OTOGL: variants seen among roughly 807,000 people sequenced by gnomAD.
OTOGL encodes otogelin like, also known as otogelin-like protein.
In OTOGL, 285 loss-of-function variants were observed where a neutral mutation model predicts 318.5. The ratio of observed to expected loss-of-function variants is 0.89; its 90% CI spans 0.81 to 0.99. The LOEUF (loss-of-function observed/expected upper bound fraction) is 0.99, where lower values mean the gene tolerates loss of function less well. Among genes scored for constraint, OTOGL ranks in the 50% least tolerant of loss-of-function variants. The pLI is 0.00. For synonymous variants in OTOGL, 987 were observed against 936.5 expected, an observed-to-expected ratio of 1.05 and a Z score of -0.99; for missense variants, 2,899 against 2,845.6, an observed-to-expected ratio of 1.02 and a Z score of -0.43.
At chr12:80,125,457 T>A (rs1371275174) in intron 1 of OTOGL, among the ~76,000 whole-genome samples, 4 of 152,198 alleles carry the variant, frequency 2.6e-5, no homozygotes, top group African/African-American at 9.7e-5. Flanking sequence ...TTATTGAGGA[T>A]TTTTGCATCG....
chr12:80,310,823 G>A (rs1455732103), intron 30 of OTOGL, 96 bp downstream of exon 30: 10 of 943,882 alleles, frequency 1.1e-5, no homozygotes, highest in Non-Finnish European at 1.5e-5. Context: ...TGATCCACTG[G>A]CTTTTTAGAT....
chr12:80,351,379 G>A lies in OTOGL; in HGVS notation c.5266-916G>A, dbSNP rs369077386. 2.6e-5 allele frequency among the ~76,000 whole-genome samples: 4 copies of A among 151,988 alleles called. No homozygotes were observed. In the East Asian group the frequency reaches 7.8e-4, roughly 29 times the overall value. ...TTGCCAGGCTGGAGCACAGTGGTGC[G>A]ATCTCGGCTCACTGCAAGCTCTGCC... On this transcript the variant is annotated intron_variant, in intron 44 of 58. Coordinates refer to ENST00000547103, the MANE Select transcript of OTOGL (RefSeq NM_001378609.3).
At chr12:80,327,682 G>A (rs996233500) in intron 35 of OTOGL, among the ~76,000 whole-genome samples, 18 of 151,358 alleles carry the variant, frequency 1.2e-4, no homozygotes, top group Non-Finnish European at 2.4e-4. Flanking sequence ...AAAGCGGGCC[G>A]GGCACGGTGG....
At chr12:80,177,129 G>A (rs146488122) in intron 1 of OTOGL, among the ~76,000 whole-genome samples, 1,586 of 152,118 alleles carry the variant, frequency 0.01, 31 homozygotes, top group African/African-American at 0.036. Flanking sequence ...CAATGTTAAA[G>A]AGTATTAAAA....
intron 1 of OTOGL, among the ~76,000 whole-genome samples, chr12:80,173,197 C>G (rs576220525): frequency 6.6e-6 from 1 of 150,916 alleles, no homozygotes; most frequent in East Asian, 1.9e-4. Context: ...AAAGGGAGAG[C>G]AAGTTTATTA....
chr12:80,223,876 A>T (rs996910190), intron 7 of OTOGL, among the ~76,000 whole-genome samples: 2 of 151,916 alleles, frequency 1.3e-5, no homozygotes, highest in African/African-American at 4.8e-5. Context: ...CCACTCTGTG[A>T]CTTGTCTGTT....
At chr12:80,321,267 G>A (rs1887314486) in intron 34 of OTOGL, among the ~76,000 whole-genome samples, 1 of 152,120 alleles carries the variant, frequency 6.6e-6, no homozygotes, top group Non-Finnish European at 1.5e-5. Flanking sequence ...CCTTTATGCA[G>A]TGTTTAAAAG....
At chr12:80,372,173 C>T in intron 57 of OTOGL, 109 bp downstream of exon 57, 1 of 638,336 alleles carries the variant, frequency 1.6e-6, no homozygotes, top group Non-Finnish European at 2.3e-6. Context: ...AAGAGAGAAA[C>T]AAATTTTATA....
In OTOGL at chr12:80,164,086, C is replaced by T. The variant is rs115306245; in HGVS notation, c.-19-45327C>T. ...GAATAGGGTACCCAAAATCTTGGCT[C>T]TACTGTGTAACTTTGTGAAAATTGG... is the stretch of plus-strand genomic sequence containing the variant. On this transcript the variant is annotated intron_variant, in intron 1 of 58. Coordinates refer to ENST00000547103, the MANE Select transcript of OTOGL (RefSeq NM_001378609.3). Among the ~76,000 whole-genome samples, 733 of 152,180 alleles carry T rather than the reference C, an allele frequency of 4.8e-3. 8 individuals carry two copies. Among genetic ancestry groups the T allele is most frequent in the African/African-American group, 0.016 (658 of 41,534 alleles).
chr12:80,191,374 G>A (rs984449637), intron 1 of OTOGL, among the ~76,000 whole-genome samples: 17 of 152,148 alleles, frequency 1.1e-4, no homozygotes, highest in African/African-American at 4.1e-4. Context: ...GGAGGCGGAG[G>A]TTGCAGTGAG....
intron 12 of OTOGL, 50 bp downstream of exon 12, chr12:80,251,849 T>G: frequency 6.8e-7 from 1 of 1,479,704 alleles, no homozygotes; most frequent in Non-Finnish European, 9.2e-7. Flanking sequence ...AATTTTGGGT[T>G]AAACCTAGAA....
At chr12:80,190,869 A>T (rs1875646088) in intron 1 of OTOGL, among the ~76,000 whole-genome samples, 1 of 151,684 alleles carries the variant, frequency 6.6e-6, no homozygotes, top group Non-Finnish European at 1.5e-5. Flanking sequence ...TTCTTTTTAA[A>T]AATAGTTCTT....
At chr12:80,257,762 C>A in intron 17 of OTOGL, 63 bp from the exon 18 acceptor site, 1 of 1,332,890 alleles carries the variant, frequency 7.5e-7, no homozygotes. Context: ...GTGGTGTACC[C>A]TAGCATTTCA....
At chr12:80,257,157 C>T (rs1882125063) in intron 17 of OTOGL, among the ~76,000 whole-genome samples, 1 of 152,074 alleles carries the variant, frequency 6.6e-6, no homozygotes, top group East Asian at 1.9e-4. Context: ...AAATCACATG[C>T]TCACGCTACA....
At position 80,210,997 on chromosome 12, in the gene OTOGL, A is replaced by C. The variant is rs976734309; in HGVS notation, c.119+111A>C. 66 of 661,950 alleles carry C rather than the reference A, an allele frequency of 1.0e-4. No individual in the cohort carries two copies. In the African/African-American group the frequency reaches 1.0e-3, roughly 10 times the overall value. The allele number at this position is 661,950 out of a possible 1,614,324, so 41.0% of individuals were successfully genotyped here. On this transcript the variant is annotated intron_variant, in intron 3 of 58. Coordinates refer to ENST00000547103, the MANE Select transcript of OTOGL (RefSeq NM_001378609.3). ...GAAAAAAATAAGTGAAATGTTTTAC[A>C]AAAAAGCATGAAATATACTTTAAAA...
chr12:80,332,987 C>G lies in OTOGL; in HGVS notation c.4349-18C>G, dbSNP rs1429264175. 1.9e-6 allele frequency: 3 copies of G among 1,565,422 alleles called. No individual in the cohort carries two copies. Among genetic ancestry groups the G allele is most frequent in the Non-Finnish European group, 1.7e-6 (2 of 1,148,856 alleles). On this transcript the variant is annotated intron_variant, in intron 37 of 58. Transcript: ENST00000547103. Reference sequence around the variant, plus strand: ...AAATGCATTCCACTAATGAGGATTACTTTTTCATTTCTGACAGTTTGGGAA... The same window carrying G: ...AAATGCATTCCACTAATGAGGATTAGTTTTTCATTTCTGACAGTTTGGGAA...
chr12:80,112,060 G>C (rs868175827), intron 1 of OTOGL, among the ~76,000 whole-genome samples: 5 of 152,222 alleles, frequency 3.3e-5, no homozygotes, highest in Middle Eastern at 3.4e-3. Context: ...TCTATAATTG[G>C]TGTATAGGAA....
intron 20 of OTOGL, chr12:80,266,198 C>A: frequency 2.2e-6 from 1 of 460,050 alleles, no homozygotes; most frequent in Non-Finnish European, 3.9e-6. Flanking sequence ...TTCTGCAAAG[C>A]TGAAAATATT....
rs552839095 is a variant in OTOGL at position 80,176,408 on chromosome 12, G to GA, written c.-19-33001dup. The stretch of plus-strand genomic sequence containing the variant: ...TAATCTCTCTTTCCCATTCCCTTTA[G>GA]AAAATCATTCCTCCTCCCTAGGCAA... On this transcript the variant is annotated intron_variant, in intron 1 of 58. Coordinates refer to ENST00000547103, the MANE Select transcript of OTOGL (RefSeq NM_001378609.3). Among the ~76,000 whole-genome samples the GA allele has an allele frequency of 2.0e-5, 3 of 151,936 alleles. No homozygotes were observed. The South Asian group carries it at 6.2e-4, about 32-fold the overall frequency.
Sources: gnomAD v4.1 joint callset for allele counts (sites outside exome capture counted in the v4.1 genomes callset) on GRCh38, gnomAD v4.1.1 for gene constraint, MANE v1.5 for transcripts, NCBI Gene and HGNC (gene_info 2026-07-23, HGNC 2026-07-21) for gene names.